FBXO11: variants seen among roughly 807,000 people sequenced by gnomAD.
FBXO11 encodes the protein F-box protein 11, also known as F-box only protein 11.
Under a neutral mutation model 117.0 loss-of-function variants are expected in FBXO11, and 13 were observed. The observed-to-expected ratio is 0.11, with a 90% CI of 0.07 to 0.18. FBXO11 has a LOEUF of 0.18. Ranked by LOEUF, FBXO11 falls within the 10% of genes least tolerant of loss-of-function variation. The pLI, the probability that FBXO11 is intolerant of heterozygous loss-of-function variation, is 1.00. For synonymous variants in FBXO11, 490 were observed against 380.5 expected (o/e 1.29, Z -3.35); for missense variants, 767 against 1,164.4 (o/e 0.66, Z 4.97).
At chr2:47,865,816 G>C (rs920741458) in intron 1 of FBXO11, 3 of 152,142 alleles carry the variant, frequency 2.0e-5, no homozygotes, top group African/African-American at 7.2e-5. Flanking sequence ...CAGACACTCA[G>C]CCTCATTGAG....
chr2:47,818,721 C>T, intron 16 of FBXO11, 58 bp downstream of exon 16: 1 of 1,202,322 alleles, frequency 8.3e-7, no homozygotes. Flanking sequence ...ATTTCTTTTA[C>T]ACACCCCACA....
At chr2:47,856,870 G>C (rs193034436) in intron 1 of FBXO11, among the ~76,000 whole-genome samples, 1 of 152,288 alleles carries the variant, frequency 6.6e-6, no homozygotes, top group Admixed American at 6.5e-5. Flanking sequence ...ACAAAGGACG[G>C]AGTCTACAGA....
At chr2:47,886,617 A>C (rs1431338300) in intron 1 of FBXO11, among the ~76,000 whole-genome samples, 2 of 152,190 alleles carry the variant, frequency 1.3e-5, no homozygotes, top group East Asian at 3.8e-4. Context: ...TTTAAATGTT[A>C]ACAGATAAAT....
rs144853736 is a variant in FBXO11 at position 47,829,818 on chromosome 2, C to T, written c.1398+2531G>A. 5.4e-3 allele frequency among the ~76,000 whole-genome samples: 822 copies of T among 151,958 alleles called. 1 individual carries two copies. Among genetic ancestry groups the T allele is most frequent in the Middle Eastern group, 0.01 (3 of 292 alleles). On this transcript the variant is annotated intron_variant, in intron 11 of 22. Transcript: ENST00000403359. ...CCAGAGTGTAAAAAAGGTAGTAAAA[C>T]GTATGAGGTATACATTAAACAAAAT...
rs267599395 is a variant in FBXO11 at position 47,835,881 on chromosome 2, G to A, written c.708C>T (p.Phe236=). The A allele has an allele frequency of 1.9e-6, 3 of 1,602,208 alleles. No individual in the cohort carries two copies. The highest frequency in any genetic ancestry group is 2.6e-6 in the Non-Finnish European group (3 of 1,173,976). ...YEHPNPWKES[F]QQLYKGAHVK... The stretch of plus-strand genomic sequence containing the variant: ...TATTTATATTTCATACCAACTGCTG[G>A]AAACTCTCTTTCCAGGGATTTGGAT... Residue 236 remains phenylalanine, a synonymous_variant, in exon 5 of 23, where the codon TTC becomes TTT. Coordinates refer to ENST00000403359, the MANE Select transcript of FBXO11 (RefSeq NM_001190274.2).
chr2:47,851,877 C>G (rs1044439719), intron 1 of FBXO11, among the ~76,000 whole-genome samples: 1 of 152,148 alleles, frequency 6.6e-6, no homozygotes, highest in Non-Finnish European at 1.5e-5. Flanking sequence ...TTAACCTTTC[C>G]TTTGTGAATT....
intron 1 of FBXO11, among the ~76,000 whole-genome samples, chr2:47,894,709 T>TA (rs1296364501): frequency 6.6e-6 from 1 of 152,126 alleles, no homozygotes; most frequent in Non-Finnish European, 1.5e-5. Flanking sequence ...TGCAAAAACT[T>TA]AAAATTAAAA....
At chr2:47,809,325 A>G in intron 20 of FBXO11, 59 bp from the exon 21 acceptor site, 1 of 1,113,396 alleles carries the variant, frequency 9.0e-7, no homozygotes, top group Non-Finnish European at 1.3e-6. Context: ...TTAAAAACCA[A>G]AGATTATAGG....
rs761520519 is a variant in FBXO11 at position 47,809,682 on chromosome 2, A to G, written c.2364T>C (p.Thr788=). 1.2e-6 allele frequency: 2 copies of G among 1,613,424 alleles called. No homozygotes were observed. The highest frequency in any genetic ancestry group is 8.5e-7 in the Non-Finnish European group (1 of 1,179,694). The change falls in exon 20 of 23, where the codon ACT becomes ACC. Residue 788 remains threonine (T), a synonymous_variant. Coordinates refer to ENST00000403359, the MANE Select transcript of FBXO11 (RefSeq NM_001190274.2). ...AAGIEITNHA[T]ATLEGNQIFN... ...AAATCTGATTGCCTTCTAGTGTTGC[A>G]GTTGCGTGATTTGTAATTTCAATAC... is the stretch of plus-strand genomic sequence containing the variant.
intron 11 of FBXO11, among the ~76,000 whole-genome samples, chr2:47,825,293 A>C (rs1271395212): frequency 6.6e-6 from 1 of 152,252 alleles, no homozygotes; most frequent in Admixed American, 6.5e-5. Flanking sequence ...TTTTAAAACA[A>C]ATCAGGAGCT....
At chr2:47,827,036 T>C (rs146101935) in intron 11 of FBXO11, among the ~76,000 whole-genome samples, 46 of 152,358 alleles carry the variant, frequency 3.0e-4, no homozygotes, top group African/African-American at 1.0e-3. Context: ...TATTAATAAA[T>C]TAGGTTAAGG....
At position 47,905,923 on chromosome 2, in the gene FBXO11, A is replaced by T. The variant is rs1234590397; in HGVS notation, c.-203T>A. On this transcript the variant is annotated 5_prime_UTR_variant, in exon 1 of 23. Transcript: ENST00000403359. ...GGCCCGGGTAGACAGACGGAGACCG[A>T]GCGAGGCCGGCCGGGAGGGCCTGAC... The T allele has an allele frequency of 1.8e-6, 1 of 548,526 alleles. No individual in the cohort carries two copies. Among genetic ancestry groups the T allele is most frequent in the African/African-American group, 2.0e-5 (1 of 50,010 alleles). 34.0% of individuals were successfully genotyped at this position (548,526 alleles called of 1,614,324 possible).
intron 4 of FBXO11, among the ~76,000 whole-genome samples, chr2:47,836,380 T>C (rs960242783): frequency 6.6e-6 from 1 of 152,216 alleles, no homozygotes; most frequent in Non-Finnish European, 1.5e-5. Context: ...TTTCCTTTTT[T>C]TTCTTTGAGA....
chr2:47,817,765 G>A (rs1671105031), intron 16 of FBXO11, among the ~76,000 whole-genome samples: 1 of 152,246 alleles, frequency 6.6e-6, no homozygotes, highest in African/African-American at 2.4e-5. Flanking sequence ...TGGTGGAACA[G>A]TCAGAACACA....
chr2:47,834,961 A>T (rs771551709), intron 5 of FBXO11, 90 bp from the exon 6 acceptor site: 1 of 874,184 alleles, frequency 1.1e-6, no homozygotes, highest in Non-Finnish European at 1.8e-6. Flanking sequence ...AACTTTTATT[A>T]CAAATCAAAA....
chr2:47,809,120 C>CT (rs776693335), intron 21 of FBXO11, 38 bp downstream of exon 21: 97 of 1,286,640 alleles, frequency 7.5e-5, no homozygotes, highest in Non-Finnish European at 9.8e-5. Flanking sequence ...GGAAATCAGT[C>CT]TTCCTCTTTT....
At chr2:47,835,804 T>G in intron 5 of FBXO11, 68 bp downstream of exon 5, 3 of 1,321,780 alleles carry the variant, frequency 2.3e-6, no homozygotes, top group East Asian at 2.8e-5. Context: ...AGCCTAAACT[T>G]ATTTCTTAAA....
At chr2:47,882,516 G>C (rs1157907626) in intron 1 of FBXO11, among the ~76,000 whole-genome samples, 2 of 152,082 alleles carry the variant, frequency 1.3e-5, no homozygotes, top group Non-Finnish European at 2.9e-5. Flanking sequence ...TCAATTCTAA[G>C]TTTGTTGGAT....
chr2:47,832,552 C>G lies in FBXO11; in HGVS notation c.1260+20G>C, dbSNP rs369981445. On this transcript the variant is annotated intron_variant, in intron 10 of 22. Transcript: ENST00000403359. ...AAACATTTTCTAAAAAGAAAAAAACCACACAAAATTAAAAAATACCTGTGC... is the reference window on the plus strand; with the variant it reads ...AAACATTTTCTAAAAAGAAAAAAACGACACAAAATTAAAAAATACCTGTGC... The G allele has an allele frequency of 9.8e-5, 158 of 1,606,214 alleles. No individual in the cohort carries two copies. Among genetic ancestry groups the G allele is most frequent in the Non-Finnish European group, 1.3e-4 (156 of 1,177,068 alleles).
Sources: gnomAD v4.1 joint callset for allele counts (sites outside exome capture counted in the v4.1 genomes callset) on GRCh38, gnomAD v4.1.1 for gene constraint, MANE v1.5 for transcripts, NCBI Gene and HGNC (gene_info 2026-07-23, HGNC 2026-07-21) for gene names.